RNMT: variants seen among roughly 807,000 people sequenced by gnomAD.
RNMT encodes mRNA cap guanine-N(7) methyltransferase.
In RNMT, 27 loss-of-function variants were observed where a neutral mutation model predicts 56.0. The observed-to-expected ratio is 0.48, with a 90% CI of 0.36 to 0.67. The LOEUF is 0.67. RNMT is among the 30% of genes least tolerant of loss of function. RNMT has a pLI of 0.00. For synonymous variants in RNMT, 184 were observed against 176.2 expected, an observed-to-expected ratio of 1.04 and a Z score of -0.35; for missense variants, 519 against 552.1, an observed-to-expected ratio of 0.94 and a Z score of 0.60.
At position 13,741,666 on chromosome 18, in the gene RNMT, A is replaced by G. The variant is rs753147610; in HGVS notation, c.949A>G (p.Thr317Ala). ...TAGCCCTGGGGGCTATTTTATTGGT[A>G]CTACTCCCAATAGCTTTGAATTGAT... ...RLSPGGYFIG[T>A]TPNSFELIRR... Residue 317 changes from threonine to alanine, a missense_variant, in exon 7 of 12, where the codon ACT becomes GCT. Thr to Ala is a moderately conservative substitution (Grantham distance 58, BLOSUM62 0). Transcript: ENST00000383314. The G allele has an allele frequency of 3.1e-6, 5 of 1,611,830 alleles. No homozygotes were observed. The highest frequency in any genetic ancestry group is 4.2e-6 in the Non-Finnish European group (5 of 1,178,954).
chr18:13,744,225 T>G (rs45439894), intron 8 of RNMT, among the ~76,000 whole-genome samples: 2 of 145,194 alleles, frequency 1.4e-5, no homozygotes, highest in Non-Finnish European at 3.0e-5. Context: ...AAGTCATCAG[T>G]TTAATATCTA....
In RNMT at chr18:13,737,105, AAAGGAAGAATTAAC is replaced by A. The variant is rs1449938940; in HGVS notation, c.653_666del (p.Gly218AlafsTer5). ...AGGTGGAGATTTGCTGAAATGGAAA[AAAGGAAGAATTAAC>A]AAGCTAGTTTGTACTGGTAAGATAA... On this transcript the variant is annotated frameshift_variant, in exon 5 of 12. Coordinates refer to ENST00000383314, the MANE Select transcript of RNMT (RefSeq NM_003799.3). LOFTEE classifies it high-confidence loss of function. 6.2e-7 allele frequency: 1 copy of A among 1,611,804 alleles called. No individual in the cohort carries two copies. Among genetic ancestry groups the A allele is most frequent in the Non-Finnish European group, 8.5e-7 (1 of 1,178,286 alleles).
intron 4 of RNMT, among the ~76,000 whole-genome samples, chr18:13,735,464 T>C (rs552362433): frequency 1.8e-4 from 28 of 151,856 alleles, no homozygotes; most frequent in Non-Finnish European, 3.8e-4. Context: ...TTTATTTGAC[T>C]CTGCCATGTG....
chr18:13,745,750 C>T (rs2044340354), intron 8 of RNMT, among the ~76,000 whole-genome samples: 1 of 149,694 alleles, frequency 6.7e-6, no homozygotes, highest in Non-Finnish European at 1.5e-5. Context: ...TAAAAAAAAA[C>T]CTGTAAGTGA....
Position 13,745,226 on chromosome 18 carries a change from T to C in RNMT, c.1140-994T>C, listed in dbSNP as rs1339164496. Among the ~76,000 whole-genome samples, 3 of 152,078 alleles carry C rather than the reference T, an allele frequency of 2.0e-5. No individual in the cohort carries two copies. In the East Asian group the frequency reaches 5.8e-4, roughly 29 times the overall value. On this transcript the variant is annotated intron_variant, in intron 8 of 11. Coordinates refer to ENST00000383314, the MANE Select transcript of RNMT (RefSeq NM_003799.3). ...GTGCACTGGAGCCCAGTGGAGGGTG[T>C]TAAGGGGGTAGTGACATGACTCAGG...
chr18:13,740,510 T>C (rs1387961539), intron 6 of RNMT, among the ~76,000 whole-genome samples: 1 of 152,138 alleles, frequency 6.6e-6, no homozygotes, highest in Non-Finnish European at 1.5e-5. Flanking sequence ...CCTGAGTAGC[T>C]GGGACTACAG....
chr18:13,734,499 C>G lies in RNMT; in HGVS notation c.453C>G (p.Ala151=). 6.2e-7 allele frequency: 1 copy of G among 1,613,220 alleles called. No homozygotes were observed. Among genetic ancestry groups the G allele is most frequent in the South Asian group, 1.1e-5 (1 of 90,868 alleles). Residue 151 remains alanine, a synonymous_variant, in exon 4 of 12, where the codon GCC becomes GCG. Transcript: ENST00000383314. ...LEEGHSSTVA[A]HYNELQEVGL... The stretch of plus-strand genomic sequence containing the variant: ...AAGGACACAGCTCAACAGTGGCTGC[C>G]CATTACAATGAACTTCAGGAAGTTG...
chr18:13,748,291 T>C (rs2044384142), intron 9 of RNMT, among the ~76,000 whole-genome samples: 1 of 152,200 alleles, frequency 6.6e-6, no homozygotes, highest in South Asian at 2.1e-4. Flanking sequence ...CATGGCTGTC[T>C]GGGGACAGAA....
At chr18:13,734,321 T>C in intron 3 of RNMT, 143 bp from the exon 4 acceptor site, 1 of 657,416 alleles carries the variant, frequency 1.5e-6, no homozygotes, top group African/African-American at 1.9e-5. Context: ...TGATAATTAG[T>C]GAGACTTCTG....
chr18:13,752,632 A>T (rs1426059562), intron 10 of RNMT, among the ~76,000 whole-genome samples: 1 of 152,214 alleles, frequency 6.6e-6, no homozygotes. Flanking sequence ...GGAGTGCTAT[A>T]TCTAAGGCAA....
chr18:13,752,074 T>C (rs989572096), intron 9 of RNMT, among the ~76,000 whole-genome samples: 2 of 152,056 alleles, frequency 1.3e-5, no homozygotes, highest in Non-Finnish European at 2.9e-5. Context: ...ACCTATGTAA[T>C]AAACCTGAAC....
chr18:13,760,179 G>C lies in RNMT; in HGVS notation c.*200G>C. 1 of 1,272,934 alleles carries C rather than the reference G, an allele frequency of 7.9e-7. No homozygotes were observed. Among genetic ancestry groups the C allele is most frequent in the East Asian group, 3.1e-5 (1 of 32,572 alleles). 78.9% of individuals were successfully genotyped at this position (1,272,934 alleles called of 1,614,324 possible). On this transcript the variant is annotated 3_prime_UTR_variant, in exon 12 of 12. Coordinates refer to ENST00000383314, the MANE Select transcript of RNMT (RefSeq NM_003799.3). ...TGCATGTGTATATAAGAATGAGTTG[G>C]GACCTCTGTCTTTAAAAATCTATTT...
rs556906490 is a variant in RNMT, at chr18:13,763,989, T to G, written c.*4010T>G. The G allele has an allele frequency of 6.6e-6, 1 of 152,364 alleles. No individual in the cohort carries two copies. The highest frequency in any genetic ancestry group is 1.9e-4 in the East Asian group (1 of 5,176). The allele number at this position is 152,364 out of a possible 1,614,324, so 9.4% of individuals were successfully genotyped here. A position where few individuals can be genotyped will look rare whatever the true frequency, so the allele number is the denominator to read the frequency against. ...TGAGTGCACTGGCAGGAAGCAGAGA[T>G]AAGACTTGAATTTCAGTTTGGTAGA... On this transcript the variant is annotated 3_prime_UTR_variant, in exon 12 of 12. Coordinates refer to ENST00000383314, the MANE Select transcript of RNMT (RefSeq NM_003799.3).
rs752711317 is a variant in RNMT at position 13,737,047 on chromosome 18, T to C, written c.591T>C (p.Arg197=). ...AAAAGGTACGACAGAAGAAAAAACG[T>C]GATATCACTGTTTTGGACCTGGGAT... ...FLEKVRQKKK[R]DITVLDLGCG... Residue 197 remains arginine, a synonymous_variant, in exon 5 of 12, where the codon CGT becomes CGC. Coordinates refer to ENST00000383314, the MANE Select transcript of RNMT (RefSeq NM_003799.3). 3.7e-6 allele frequency: 6 copies of C among 1,613,444 alleles called. No homozygotes were observed. The highest frequency in any genetic ancestry group is 2.5e-6 in the Non-Finnish European group (3 of 1,179,668).
At chr18:13,739,911 T>A (rs1420516691) in intron 5 of RNMT, among the ~76,000 whole-genome samples, 1 of 152,276 alleles carries the variant, frequency 6.6e-6, no homozygotes, top group Non-Finnish European at 1.5e-5. Flanking sequence ...CTTTCTCCTT[T>A]TTACTTTGAA....
rs185052523 is a variant in RNMT, at chr18:13,746,150, C to G, written c.1140-70C>G. On this transcript the variant is annotated intron_variant, in intron 8 of 11. Coordinates refer to ENST00000383314, the MANE Select transcript of RNMT (RefSeq NM_003799.3). ...TAGTTAAGTCCAGAAGATGTCATTG[C>G]TGTACAAAAGTAAGTTGAGGAATTA... 2.8e-3 allele frequency: 2,170 copies of G among 770,138 alleles called. 12 individuals carry two copies. The highest frequency in any genetic ancestry group is 0.016 in the Middle Eastern group (47 of 2,910). 47.7% of individuals were successfully genotyped at this position (770,138 alleles called of 1,614,324 possible).
At position 13,742,475 on chromosome 18, in the gene RNMT, A is replaced by G. The variant is rs772068320; in HGVS notation, c.975-13A>G. 1.2e-6 allele frequency: 2 copies of G among 1,610,742 alleles called. No homozygotes were observed. Among genetic ancestry groups the G allele is most frequent in the Non-Finnish European group, 1.7e-6 (2 of 1,178,674 alleles). ...TTAATCTTTTTATTTTGGTTGGGGG[A>G]TAACCTTGATAGAAGACGCCTTGAA... On this transcript the variant is annotated splice_polypyrimidine_tract_variant and intron_variant, in intron 7 of 11. Transcript: ENST00000383314.
In RNMT at chr18:13,731,460, T is replaced by A. The variant is rs2044066708; in HGVS notation, c.-42-16T>A. ...CTTAGTGTTTACAAGTAATACCAAT[T>A]TTTTTCCTATTCTAGTGTTGGTTCA... On this transcript the variant is annotated splice_polypyrimidine_tract_variant and intron_variant, in intron 2 of 11. Coordinates refer to ENST00000383314, the MANE Select transcript of RNMT (RefSeq NM_003799.3). 1.9e-5 allele frequency: 26 copies of A among 1,401,798 alleles called. No homozygotes were observed. The highest frequency in any genetic ancestry group is 2.2e-5 in the Non-Finnish European group (23 of 1,031,592). The allele number at this position is 1,401,798 out of a possible 1,614,324, so 86.8% of individuals were successfully genotyped here.
intron 9 of RNMT, among the ~76,000 whole-genome samples, chr18:13,748,945 G>A (rs1015638748): frequency 6.6e-6 from 1 of 152,088 alleles, no homozygotes; most frequent in African/African-American, 2.4e-5. Context: ...CAGGTGTGGT[G>A]GTGCATACTT....
Sources: gnomAD v4.1 joint callset for allele counts (sites outside exome capture counted in the v4.1 genomes callset) on GRCh38, gnomAD v4.1.1 for gene constraint, MANE v1.5 for transcripts, NCBI Gene and HGNC (gene_info 2026-07-23, HGNC 2026-07-21) for gene names.